ROBO2: variants seen among roughly 807,000 people sequenced by gnomAD.
ROBO2 encodes roundabout homolog 2.
In ROBO2, 53 loss-of-function variants were observed where a neutral mutation model predicts 160.8. The ratio of observed to expected loss-of-function variants is 0.33; its 90% CI spans 0.26 to 0.41. ROBO2 has a LOEUF of 0.41. ROBO2 is among the 10% of genes least tolerant of loss of function. The pLI is 1.00. For synonymous variants in ROBO2, 664 were observed against 611.7 expected (o/e 1.09, Z -1.26); for missense variants, 1,577 against 1,722.4 (o/e 0.92, Z 1.49).
intron 2 of ROBO2, among the ~76,000 whole-genome samples, chr3:77,410,937 G>A (rs373717366): frequency 1.2e-4 from 18 of 151,944 alleles, no homozygotes; most frequent in African/African-American, 4.1e-4. Context: ...CCGAGTAGCT[G>A]GGACCATAGG....
intron 2 of ROBO2, among the ~76,000 whole-genome samples, chr3:77,276,590 A>G (rs9309764): frequency 0.67 from 102,395 of 151,962 alleles, 35,542 homozygotes; most frequent in African/African-American, 0.83. Context: ...TAATAATTAC[A>G]TTATTCAAAG....
At chr3:76,383,987 A>G (rs541144765) in intron 2 of ROBO2, among the ~76,000 whole-genome samples, 1 of 152,356 alleles carries the variant, frequency 6.6e-6, no homozygotes, top group African/African-American at 2.4e-5. Context: ...ATGTCAGAGC[A>G]TGTGACAAGA....
At chr3:76,711,728 G>T (rs557527378) in intron 2 of ROBO2, among the ~76,000 whole-genome samples, 1 of 152,078 alleles carries the variant, frequency 6.6e-6, no homozygotes, top group Non-Finnish European at 1.5e-5. Flanking sequence ...CATGCACCAT[G>T]CTGCTTCTCA....
intron 2 of ROBO2, among the ~76,000 whole-genome samples, chr3:76,402,203 G>A (rs956042793): frequency 6.6e-6 from 1 of 151,328 alleles, no homozygotes; most frequent in East Asian, 1.9e-4. Flanking sequence ...TTAAATTTTA[G>A]CTTGGTCCTG....
chr3:76,641,154 T>G (rs906818767), intron 2 of ROBO2, among the ~76,000 whole-genome samples: 2 of 152,182 alleles, frequency 1.3e-5, no homozygotes, highest in Admixed American at 1.3e-4. Flanking sequence ...GCCCACAGTC[T>G]GAAGAGAAAC....
At chr3:77,125,261 GTGTC>G (rs2075209035) in intron 2 of ROBO2, among the ~76,000 whole-genome samples, 1 of 152,132 alleles carries the variant, frequency 6.6e-6, no homozygotes, top group African/African-American at 2.4e-5. Context: ...AGTCACATGA[GTGTC>G]TGTGGATTTC....
At chr3:76,961,419 G>A (rs114303926) in intron 2 of ROBO2, among the ~76,000 whole-genome samples, 4 of 151,726 alleles carry the variant, frequency 2.6e-5, no homozygotes, top group African/African-American at 9.7e-5. Context: ...ACTTTTTGTG[G>A]ATCTAAGATA....
At chr3:76,240,000 A>G (rs182678050) in intron 2 of ROBO2, among the ~76,000 whole-genome samples, 2 of 152,250 alleles carry the variant, frequency 1.3e-5, no homozygotes, top group East Asian at 3.9e-4. Flanking sequence ...ACGATGAGAA[A>G]AGCAGTTGCC....
chr3:76,837,531 A>C (rs111325116), intron 2 of ROBO2, among the ~76,000 whole-genome samples: 3,183 of 151,384 alleles, frequency 0.021, 78 homozygotes, highest in African/African-American at 0.061. Flanking sequence ...TAAAAAAAAA[A>C]CCCAAACATA....
At chr3:76,555,377 A>G (rs951182950) in intron 2 of ROBO2, among the ~76,000 whole-genome samples, 1 of 54,290 alleles carries the variant, frequency 1.8e-5, no homozygotes, top group African/African-American at 3.6e-5. Context: ...AAGAAGAAGA[A>G]GAAGAAGAAG....
At chr3:76,276,637 A>G (rs1707941073) in intron 2 of ROBO2, among the ~76,000 whole-genome samples, 1 of 152,024 alleles carries the variant, frequency 6.6e-6, no homozygotes, top group Admixed American at 6.6e-5. Context: ...ATTAAAGGCA[A>G]TAGATTATTG....
chr3:76,015,302 C>A (rs913100165), intron 2 of ROBO2, among the ~76,000 whole-genome samples: 4 of 152,010 alleles, frequency 2.6e-5, no homozygotes, highest in African/African-American at 9.7e-5. Flanking sequence ...ATAAAATATG[C>A]ATATGTTAAC....
intron 2 of ROBO2, among the ~76,000 whole-genome samples, chr3:76,653,930 G>A (rs1270926413): frequency 6.6e-6 from 1 of 151,974 alleles, no homozygotes; most frequent in South Asian, 2.1e-4. Context: ...TTTTAATATG[G>A]ACATTTTTCA....
At chr3:77,009,701 T>C (rs942823996) in intron 2 of ROBO2, among the ~76,000 whole-genome samples, 1 of 152,098 alleles carries the variant, frequency 6.6e-6, no homozygotes, top group African/African-American at 2.4e-5. Context: ...CTCATGCCCA[T>C]AATCCCAGCA....
intron 2 of ROBO2, among the ~76,000 whole-genome samples, chr3:76,837,835 C>T (rs1243768452): frequency 1.3e-5 from 2 of 151,928 alleles, no homozygotes; most frequent in Admixed American, 6.6e-5. Context: ...CTACATTTTA[C>T]TAATTGTCCT....
At chr3:76,132,374 C>T (rs2106683703) in intron 2 of ROBO2, among the ~76,000 whole-genome samples, 1 of 120,520 alleles carries the variant, frequency 8.3e-6, no homozygotes, top group Non-Finnish European at 1.7e-5. Context: ...TGCCTAACAC[C>T]TGCCCAAATT....
chr3:76,521,465 G>A (rs12497354), intron 2 of ROBO2, among the ~76,000 whole-genome samples: 43,802 of 151,998 alleles, frequency 0.29, 7,866 homozygotes, highest in East Asian at 0.39. Context: ...GCAGAGATGC[G>A]GGAGGTAGGG....
intron 2 of ROBO2, among the ~76,000 whole-genome samples, chr3:75,952,447 C>T (rs529140490): frequency 2.0e-4 from 31 of 152,084 alleles, no homozygotes; most frequent in Admixed American, 1.6e-3. Context: ...GTTTTTTCCA[C>T]TGCATGAAAA....
At chr3:76,851,724 A>T (rs1339149579) in intron 2 of ROBO2, among the ~76,000 whole-genome samples, 2 of 132,328 alleles carry the variant, frequency 1.5e-5, no homozygotes, top group Non-Finnish European at 3.1e-5. Context: ...GGTGGGCGAC[A>T]GAGCGAGACT....
Sources: gnomAD v4.1 joint callset for allele counts (sites outside exome capture counted in the v4.1 genomes callset) on GRCh38, gnomAD v4.1.1 for gene constraint, MANE v1.5 for transcripts, NCBI Gene and HGNC (gene_info 2026-07-23, HGNC 2026-07-21) for gene names.